Variants in WWOX observed in about 807,000 individuals in gnomAD.
WWOX encodes WW domain containing oxidoreductase, also known as WW domain-containing oxidoreductase.
In WWOX, 69 loss-of-function variants were observed where a neutral mutation model predicts 46.2. The observed-to-expected ratio is 1.49, with a 90% CI of 1.23 to 1.82. The LOEUF (loss-of-function observed/expected upper bound fraction) is 1.82, where lower values mean the gene tolerates loss of function less well. WWOX is among the 40% of genes most tolerant of loss of function. The pLI, the probability that WWOX is intolerant of heterozygous loss-of-function variation, is 0.00. For missense variants in WWOX, 919 were observed against 542.6 expected (o/e 1.69, Z -6.89); for synonymous variants, 359 against 202.6 (o/e 1.77, Z -6.56).
At chr16:78,416,216 A>G (rs1261838721) in intron 6 of WWOX, among the ~76,000 whole-genome samples, 1 of 152,206 alleles carries the variant, frequency 6.6e-6, no homozygotes. Context: ...TCCTTTTCAT[A>G]GTCTGTAAAT....
At chr16:79,007,944 C>G (rs999389349) in intron 8 of WWOX, among the ~76,000 whole-genome samples, 1 of 152,180 alleles carries the variant, frequency 6.6e-6, no homozygotes, top group Non-Finnish European at 1.5e-5. Context: ...TGTTAGCTAT[C>G]TCTTGCTGTG....
At chr16:78,412,522 T>G (rs2151950856) in intron 6 of WWOX, among the ~76,000 whole-genome samples, 1 of 152,114 alleles carries the variant, frequency 6.6e-6, no homozygotes, top group African/African-American at 2.4e-5. Context: ...AAGAGATTGG[T>G]GATGGAACAA....
intron 8 of WWOX, among the ~76,000 whole-genome samples, chr16:78,557,226 G>C (rs2044319306): frequency 6.8e-6 from 1 of 147,294 alleles, no homozygotes; most frequent in Middle Eastern, 3.6e-3. Flanking sequence ...CAATTATCAT[G>C]ATTATTATTA....
At chr16:78,663,670 A>T (rs931158138) in intron 8 of WWOX, among the ~76,000 whole-genome samples, 1 of 152,212 alleles carries the variant, frequency 6.6e-6, no homozygotes, top group Non-Finnish European at 1.5e-5. Flanking sequence ...GTGTCTTGAC[A>T]TGTCTGACAT....
chr16:78,428,239 C>T (rs1281039172), intron 7 of WWOX, among the ~76,000 whole-genome samples: 1 of 152,202 alleles, frequency 6.6e-6, no homozygotes, highest in Non-Finnish European at 1.5e-5. Flanking sequence ...TTGGCTTTGT[C>T]AGTTTGTCAA....
At chr16:78,373,763 TTTC>T (rs1296311383) in intron 5 of WWOX, among the ~76,000 whole-genome samples, 5 of 152,198 alleles carry the variant, frequency 3.3e-5, no homozygotes, top group African/African-American at 1.2e-4. Flanking sequence ...CTACCAAGTT[TTTC>T]TTATTTTTAA....
intron 8 of WWOX, among the ~76,000 whole-genome samples, chr16:78,620,025 C>G (rs771184061): frequency 6.6e-6 from 1 of 152,170 alleles, no homozygotes; most frequent in East Asian, 1.9e-4. Context: ...TGAGACTAAT[C>G]TCTAACGTCA....
At chr16:78,401,439 GT>G (rs1196679225) in intron 6 of WWOX, among the ~76,000 whole-genome samples, 2 of 152,114 alleles carry the variant, frequency 1.3e-5, no homozygotes, top group African/African-American at 4.8e-5. Flanking sequence ...ATGTAGCTTT[GT>G]GTAGCCCATC....
intron 8 of WWOX, among the ~76,000 whole-genome samples, chr16:78,883,695 G>A (rs989228310): frequency 2.7e-5 from 4 of 150,714 alleles, no homozygotes; most frequent in Non-Finnish European, 5.9e-5. Flanking sequence ...CTGTACTCCA[G>A]CCTGGGCAAC....
At chr16:78,789,934 C>G (rs1458585408) in intron 8 of WWOX, among the ~76,000 whole-genome samples, 1 of 152,168 alleles carries the variant, frequency 6.6e-6, no homozygotes, top group Non-Finnish European at 1.5e-5. Context: ...CTTATTGTGT[C>G]ACTTTGGACA....
At chr16:78,412,125 G>T (rs191455508) in intron 6 of WWOX, among the ~76,000 whole-genome samples, 4 of 152,088 alleles carry the variant, frequency 2.6e-5, no homozygotes, top group Admixed American at 2.6e-4. Context: ...GGGATGGCAC[G>T]GTATTTTAGG....
intron 8 of WWOX, among the ~76,000 whole-genome samples, chr16:78,923,823 G>A (rs111251366): frequency 4.2e-5 from 5 of 118,340 alleles, no homozygotes; most frequent in South Asian, 3.1e-4. Context: ...TTTTTCAGAC[G>A]GAGTCTTGCT....
In WWOX at chr16:78,274,821, C is replaced by T. The variant is rs147351903; in HGVS notation, c.516+110532C>T. ...TGAGAAGACAAAGATTTTAAAAATT[C>T]TTTCTCCCTTAATGCCTCATGAATG... On this transcript the variant is annotated intron_variant, in intron 5 of 8. Coordinates refer to ENST00000566780, the MANE Select transcript of WWOX (RefSeq NM_016373.4). Among the ~76,000 whole-genome samples the T allele has an allele frequency of 7.3e-3, 1,115 of 152,270 alleles. 11 individuals carry two copies. Among genetic ancestry groups the T allele is most frequent in the Middle Eastern group, 0.017 (5 of 294 alleles).
At chr16:78,563,490 AACAC>A (rs61298369) in intron 8 of WWOX, among the ~76,000 whole-genome samples, 20,537 of 137,666 alleles carry the variant, frequency 0.15, 1,826 homozygotes, top group African/African-American at 0.25. Context: ...CGTGTGGGTG[AACAC>A]ACACACACAC....
chr16:78,365,523 G>C (rs562668079), intron 5 of WWOX, among the ~76,000 whole-genome samples: 5 of 152,288 alleles, frequency 3.3e-5, no homozygotes, highest in South Asian at 2.1e-4. Flanking sequence ...AAAAGATTCA[G>C]ATTCCTGCTG....
chr16:78,929,661 C>G (rs551933035), intron 8 of WWOX, among the ~76,000 whole-genome samples: 1 of 152,090 alleles, frequency 6.6e-6, no homozygotes, highest in African/African-American at 2.4e-5. Context: ...CGACTAAAGA[C>G]CCGCGTGGAC....
chr16:78,314,693 TTTTTTTTG>T (rs2080321511), intron 5 of WWOX, among the ~76,000 whole-genome samples: 3 of 79,128 alleles, frequency 3.8e-5, no homozygotes, highest in East Asian at 1.5e-3. Context: ...CAGGGGTTTT[TTTTTTTTG>T]TTTTTTTTTT....
chr16:78,726,558 G>A (rs1383372520), intron 8 of WWOX, among the ~76,000 whole-genome samples: 1 of 149,696 alleles, frequency 6.7e-6, no homozygotes, highest in Non-Finnish European at 1.5e-5. Context: ...ACACAGTAGT[G>A]CTTTTTGTTC....
intron 8 of WWOX, among the ~76,000 whole-genome samples, chr16:78,751,273 A>G (rs1314418335): frequency 6.6e-6 from 1 of 151,790 alleles, no homozygotes; most frequent in Non-Finnish European, 1.5e-5. Flanking sequence ...TGGAAACTTT[A>G]TGAATTATTT....
Sources: allele counts gnomAD v4.1 joint callset (sites outside exome capture counted in the v4.1 genomes callset), GRCh38; gene constraint gnomAD v4.1.1; transcripts MANE v1.5; gene names NCBI Gene and HGNC (gene_info 2026-07-23, HGNC 2026-07-21).